Variants in SLC39A5 observed in about 807,000 individuals in gnomAD.
The protein encoded by SLC39A5 is zinc transporter ZIP5.
A neutral mutation model predicts 46.9 loss-of-function variants in SLC39A5; 42 were observed. The ratio of observed to expected loss-of-function variants is 0.90; its 90% CI spans 0.70 to 1.16. The LOEUF (loss-of-function observed/expected upper bound fraction) is 1.16. Ranked by LOEUF, SLC39A5 falls within the 50% of genes most tolerant of loss-of-function variation. SLC39A5 has a pLI of 0.00. For missense variants in SLC39A5, 677 were observed against 686.8 expected (o/e 0.99, Z 0.16); for synonymous variants, 311 against 323.1 (o/e 0.96, Z 0.40).
Position 56,236,720 on chromosome 12 carries a change from A to AC in SLC39A5, c.1182dup (p.Asn395GlnfsTer4), listed in dbSNP as rs1269280805. On this transcript the variant is annotated frameshift_variant, in exon 10 of 13. Coordinates refer to ENST00000454355, the MANE Select transcript of SLC39A5 (RefSeq NM_173596.3). LOFTEE classifies it high-confidence loss of function. ...ATGGTCCTCCTGGGAGATGGTCTAC[A>AC]CAACCTCACTGATGGGCTGGCCATA... The AC allele has an allele frequency of 1.9e-6, 3 of 1,607,200 alleles. No individual in the cohort carries two copies. Among genetic ancestry groups the AC allele is most frequent in the Non-Finnish European group, 2.6e-6 (3 of 1,175,660 alleles).
chr12:56,232,611 C>G, intron 4 of SLC39A5, 78 bp from the exon 5 acceptor site: 1 of 1,375,262 alleles, frequency 7.3e-7, no homozygotes, highest in Non-Finnish European at 9.7e-7. Context: ...CCCATTCCCC[C>G]TAAAATCCCT....
chr12:56,237,222 C>T lies in SLC39A5; in HGVS notation c.1361C>T (p.Ala454Val). Residue 454 changes from alanine to valine, a missense_variant, in exon 12 of 13, where the codon GCC (alanine) becomes GTC (valine). By Grantham distance (64) the Ala-to-Val change is moderately conservative. Coordinates refer to ENST00000454355, the MANE Select transcript of SLC39A5 (RefSeq NM_173596.3). ...RLLLLSLVSG[A>V]LGLGGAVLGV... is the part of the protein sequence containing the mutation. ...CTGCTGCTGAGCCTCGTGTCTGGAG[C>T]CCTGGGATTGGGGGGTGCAGTCCTG... 1 of 1,613,926 alleles carries T rather than the reference C, an allele frequency of 6.2e-7. No homozygotes were observed. The highest frequency in any genetic ancestry group is 1.3e-5 in the African/African-American group (1 of 75,036).
At chr12:56,236,364 C>T (rs758627833) in intron 8 of SLC39A5, 32 bp from the exon 9 acceptor site, 3 of 1,604,388 alleles carry the variant, frequency 1.9e-6, no homozygotes, top group Non-Finnish European at 1.7e-6. Flanking sequence ...TCTGCTGCCT[C>T]CTCCACCAGG....
chr12:56,231,901 A>AT (rs1055050965), intron 4 of SLC39A5, among the ~76,000 whole-genome samples: 4 of 151,688 alleles, frequency 2.6e-5, no homozygotes, highest in African/African-American at 9.7e-5. Context: ...AATTTTAAAA[A>AT]TTTTTTACAG....
intron 4 of SLC39A5, among the ~76,000 whole-genome samples, chr12:56,232,000 G>A (rs1870258657): frequency 6.6e-6 from 1 of 151,820 alleles, no homozygotes; most frequent in African/African-American, 2.4e-5. Context: ...CCAAAGTGCT[G>A]GGACTACAGA....
chr12:56,235,809 C>T (rs987731992), intron 8 of SLC39A5, 109 bp downstream of exon 8: 8 of 1,417,392 alleles, frequency 5.6e-6, no homozygotes, highest in African/African-American at 2.9e-5. Flanking sequence ...CTTTGGGAGC[C>T]CAAGGCGGGC....
In SLC39A5 at chr12:56,230,056, C is replaced by CG. The variant is rs1013788004; in HGVS notation, c.-237_-236insG. ...TGACCCTTGCCCGCCTGCCTGCCTG[C>CG]CCCCCCAGCTGGAACCAAGAAGGTT... On this transcript the variant is annotated 5_prime_UTR_variant, in exon 1 of 13. Coordinates refer to ENST00000454355, the MANE Select transcript of SLC39A5 (RefSeq NM_173596.3). 1.9e-4 allele frequency: 2 copies of CG among 10,570 alleles called. No homozygotes were observed. The highest frequency in any genetic ancestry group is 0.071 in the East Asian group (1 of 14). 0.7% of individuals were successfully genotyped at this position (10,570 alleles called of 1,614,324 possible).
At position 56,235,298 on chromosome 12, in the gene SLC39A5, G is replaced by C. The variant is rs764301534; in HGVS notation, c.776G>C (p.Gly259Ala). 11 of 1,538,058 alleles carry C rather than the reference G, an allele frequency of 7.2e-6. No homozygotes were observed. The highest frequency in any genetic ancestry group is 9.6e-6 in the Non-Finnish European group (11 of 1,149,706). The part of the protein sequence containing the change: ...LGALAVGTLC[G>A]DALLHLLPHA... ...GCCCTGGCGGTGGGCACTCTTTGTG[G>C]GGATGCACTGCTACATCTGCTACCG... Residue 259 changes from glycine to alanine, a missense_variant, in exon 7 of 13, where the codon GGG becomes GCG. Gly to Ala is a moderately conservative substitution (Grantham distance 60). Transcript: ENST00000454355.
intron 4 of SLC39A5, among the ~76,000 whole-genome samples, chr12:56,231,886 C>A (rs1044163343): frequency 6.6e-6 from 1 of 151,528 alleles, no homozygotes; most frequent in South Asian, 2.1e-4. Context: ...CCACCACAGC[C>A]GGCTAATTTT....
intron 4 of SLC39A5, 28 bp from the exon 5 acceptor site, chr12:56,232,661 G>A (rs751143928): frequency 1.3e-6 from 2 of 1,569,174 alleles, no homozygotes; most frequent in African/African-American, 1.4e-5. Context: ...ACACAAGGGA[G>A]GCTGACTTGC....
chr12:56,232,958 TTTG>T, intron 5 of SLC39A5, 86 bp downstream of exon 5: 1 of 1,431,954 alleles, frequency 7.0e-7, no homozygotes, highest in Non-Finnish European at 9.4e-7. Flanking sequence ...TTTGTTTTGT[TTTG>T]TTTTTAAATC....
At chr12:56,237,437 G>A in intron 12 of SLC39A5, 97 bp downstream of exon 12, 1 of 1,528,010 alleles carries the variant, frequency 6.5e-7, no homozygotes, top group Non-Finnish European at 8.9e-7. Context: ...ATTAGCTCCT[G>A]GAAGGGCGTC....
intron 5 of SLC39A5, 98 bp downstream of exon 5, chr12:56,232,970 T>C: frequency 7.7e-7 from 1 of 1,298,220 alleles, no homozygotes; most frequent in Non-Finnish European, 1.0e-6. Context: ...TGTTTTTAAA[T>C]CCCAACGTGG....
chr12:56,232,962 T>C (rs1211844140), intron 5 of SLC39A5, 90 bp downstream of exon 5: 1 of 1,383,108 alleles, frequency 7.2e-7, no homozygotes, highest in Admixed American at 2.5e-5. Flanking sequence ...TTTTGTTTTG[T>C]TTTTAAATCC....
chr12:56,234,738 G>T lies in SLC39A5; in HGVS notation c.472-86G>T. 18 of 1,458,448 alleles carry T rather than the reference G, an allele frequency of 1.2e-5. No individual in the cohort carries two copies. In the South Asian group the frequency reaches 2.0e-4, roughly 16 times the overall value. The allele number at this position is 1,458,448 out of a possible 1,614,324, so 90.3% of individuals were successfully genotyped here. A position where few individuals can be genotyped will look rare whatever the true frequency, so the allele number is the denominator to read the frequency against. ...GGCCTCTCAAGGGCTGGGATTATAG[G>T]TGTGAGCCACTACACCTGGCCAGGT... On this transcript the variant is annotated intron_variant, in intron 5 of 12. Coordinates refer to ENST00000454355, the MANE Select transcript of SLC39A5 (RefSeq NM_173596.3).
Position 56,231,298 on chromosome 12 carries a change from T to C in SLC39A5, c.24T>C (p.His8=), listed in dbSNP as rs1258075695. 1.9e-6 allele frequency: 3 copies of C among 1,610,394 alleles called. 1 individual carries two copies. Among genetic ancestry groups the C allele is most frequent in the South Asian group, 2.2e-5 (2 of 90,802 alleles). Reference sequence around the variant, plus strand: ...CAATGATGGGGTCCCCAGTGAGTCATCTGCTGGCCGGCTTCTGTGTGTGGG... The same window carrying C: ...CAATGATGGGGTCCCCAGTGAGTCACCTGCTGGCCGGCTTCTGTGTGTGGG... MMGSPVS[H]LLAGFCVWVV... is the part of the protein sequence containing the mutation. The change falls in exon 4 of 13, where the codon CAT becomes CAC. Residue 8 remains histidine, a synonymous_variant. Coordinates refer to ENST00000454355, the MANE Select transcript of SLC39A5 (RefSeq NM_173596.3).
At position 56,236,505 on chromosome 12, in the gene SLC39A5, G is replaced by A; in HGVS notation, c.1042+13G>A. 1 of 1,614,250 alleles carries A rather than the reference G, an allele frequency of 6.2e-7. No homozygotes were observed. Among genetic ancestry groups the A allele is most frequent in the Non-Finnish European group, 8.5e-7 (1 of 1,180,044 alleles). ...CAGGCAGCTCCAGGTGACTAGAGGA[G>A]AAAATTTGAAGAGTAGGTTCCAAGC... is the stretch of plus-strand genomic sequence containing the variant. On this transcript the variant is annotated intron_variant, in intron 9 of 12. Coordinates refer to ENST00000454355, the MANE Select transcript of SLC39A5 (RefSeq NM_173596.3).
At chr12:56,233,500 G>A (rs997874195) in intron 5 of SLC39A5, among the ~76,000 whole-genome samples, 37 of 151,992 alleles carry the variant, frequency 2.4e-4, no homozygotes, top group African/African-American at 8.7e-4. Flanking sequence ...ATCTCACTGT[G>A]GTCTTAGGGG....
In SLC39A5 at chr12:56,232,750, T is replaced by G. The variant is rs1870349138; in HGVS notation, c.349T>G (p.Trp117Gly). The G allele has an allele frequency of 1.9e-6, 3 of 1,612,246 alleles. No homozygotes were observed. Among genetic ancestry groups the G allele is most frequent in the Non-Finnish European group, 2.5e-6 (3 of 1,179,334 alleles). ...WAGMPLGPSG[W>G]GDLEESKAPH... ...AGGGATGCCTCTGGGTCCCTCAGGG[T>G]GGGGTGACCTGGAAGAGTCAAAGGC... The change falls in exon 5 of 13, where the codon TGG (tryptophan) becomes GGG (glycine). Residue 117 changes from tryptophan to glycine, a missense_variant. Trp to Gly is a radical substitution (Grantham distance 184). Transcript: ENST00000454355.
Sources: gnomAD v4.1 joint callset for allele counts (sites outside exome capture counted in the v4.1 genomes callset) on GRCh38, gnomAD v4.1.1 for gene constraint, MANE v1.5 for transcripts, NCBI Gene and HGNC (gene_info 2026-07-23, HGNC 2026-07-21) for gene names.